NR5A2: variants seen among roughly 807,000 people sequenced by gnomAD.
The protein encoded by NR5A2 is nuclear receptor subfamily 5 group A member 2, also known as CYP7A promoter-binding factor.
In NR5A2, 26 loss-of-function variants were observed where a neutral mutation model predicts 62.7. That is an observed-to-expected ratio of 0.41 (90% CI 0.30 to 0.58). The LOEUF (loss-of-function observed/expected upper bound fraction) is 0.58. NR5A2 is among the 20% of genes least tolerant of loss of function. The pLI is 0.22. For synonymous variants in NR5A2, 246 were observed against 241.7 expected, an observed-to-expected ratio of 1.02 and a Z score of -0.16; for missense variants, 541 against 669.1, an observed-to-expected ratio of 0.81 and a Z score of 2.11.
At chr1:200,136,963 A>G (rs1667249314) in intron 7 of NR5A2, among the ~76,000 whole-genome samples, 1 of 151,544 alleles carries the variant, frequency 6.6e-6, no homozygotes, top group South Asian at 2.1e-4. Context: ...CTCTAAGCAG[A>G]TTTTCTTTTC....
chr1:200,156,832 C>A (rs182876338), intron 7 of NR5A2, among the ~76,000 whole-genome samples: 77 of 152,274 alleles, frequency 5.1e-4, no homozygotes, highest in Non-Finnish European at 7.9e-4. Flanking sequence ...ACATTTAAGG[C>A]AGGCTAGGCT....
intron 7 of NR5A2, among the ~76,000 whole-genome samples, chr1:200,125,473 G>T (rs1013119077): frequency 4.6e-5 from 7 of 152,182 alleles, no homozygotes; most frequent in African/African-American, 1.7e-4. Context: ...ATGGGTTATG[G>T]TTGCCTCAGG....
intron 5 of NR5A2, among the ~76,000 whole-genome samples, chr1:200,099,793 C>T (rs556167965): frequency 1.2e-4 from 18 of 152,186 alleles, no homozygotes; most frequent in Non-Finnish European, 5.9e-5. Flanking sequence ...GGAGTTTCAC[C>T]GTGTTAGCCA....
intron 5 of NR5A2, among the ~76,000 whole-genome samples, chr1:200,053,026 A>G (rs887723860): frequency 3.3e-5 from 5 of 152,240 alleles, no homozygotes; most frequent in Admixed American, 6.5e-5. Context: ...AGTTAAGGGA[A>G]CAGAAGGGCC....
chr1:200,093,815 C>T (rs974254546), intron 5 of NR5A2, among the ~76,000 whole-genome samples: 4 of 152,118 alleles, frequency 2.6e-5, no homozygotes, highest in East Asian at 1.9e-4. Flanking sequence ...CCCAAACTTT[C>T]GCAAAATTGA....
At chr1:200,073,298 T>TTATATA (rs771272912) in intron 5 of NR5A2, among the ~76,000 whole-genome samples, 1 of 116,328 alleles carries the variant, frequency 8.6e-6, no homozygotes, top group Non-Finnish European at 1.8e-5. Flanking sequence ...ATATTCCCCT[T>TTATATA]TATATATATA....
Position 200,084,734 on chromosome 1 carries a change from T to G in NR5A2, c.1111-26468T>G, listed in dbSNP as rs183285961. Among the ~76,000 whole-genome samples, 24 of 152,278 alleles carry G rather than the reference T, an allele frequency of 1.6e-4. No individual in the cohort carries two copies. The East Asian group carries it at 4.6e-3, about 29-fold the overall frequency. ...ATGCATTAATCCCTTTGTAGTAACC[T>G]CTCCCTAATTCATTGATTCGATAAT... On this transcript the variant is annotated intron_variant, in intron 5 of 7. Coordinates refer to ENST00000367362, the MANE Select transcript of NR5A2 (RefSeq NM_205860.3).
chr1:200,126,884 TAAATG>T (rs1398165262), intron 7 of NR5A2, among the ~76,000 whole-genome samples: 1 of 152,098 alleles, frequency 6.6e-6, no homozygotes, highest in East Asian at 1.9e-4. Context: ...AATAAAATAA[TAAATG>T]AAATTAATTA....
At chr1:200,065,080 C>T (rs569583583) in intron 5 of NR5A2, among the ~76,000 whole-genome samples, 6 of 152,206 alleles carry the variant, frequency 3.9e-5, no homozygotes, top group Admixed American at 3.9e-4. Flanking sequence ...CCACCATGCC[C>T]AGCCTTCAGA....
rs375718034 is a variant in NR5A2 at position 200,127,597 on chromosome 1, A to C, written c.1378+6642A>C. Among the ~76,000 whole-genome samples, 22 of 145,828 alleles carry C rather than the reference A, an allele frequency of 1.5e-4. No individual in the cohort carries two copies. In the East Asian group the frequency reaches 4.2e-3, roughly 28 times the overall value. Reference sequence around the variant, plus strand: ...GAGGCTGAGGCAGGAGAATCACTTCAACCCAGGGGGCGGAGGTTGCAGTGA... The same window carrying C: ...GAGGCTGAGGCAGGAGAATCACTTCCACCCAGGGGGCGGAGGTTGCAGTGA... On this transcript the variant is annotated intron_variant, in intron 7 of 7. Coordinates refer to ENST00000367362, the MANE Select transcript of NR5A2 (RefSeq NM_205860.3).
chr1:200,150,805 G>A (rs1251967575), intron 7 of NR5A2, among the ~76,000 whole-genome samples: 1 of 152,158 alleles, frequency 6.6e-6, no homozygotes, highest in South Asian at 2.1e-4. Context: ...AATCACATAA[G>A]AAGAACATCA....
chr1:200,142,699 TAA>T (rs1472543647), intron 7 of NR5A2, among the ~76,000 whole-genome samples: 2 of 152,186 alleles, frequency 1.3e-5, no homozygotes, highest in African/African-American at 4.8e-5. Context: ...TGTCTTGCTT[TAA>T]AGATTTCTAA....
intron 7 of NR5A2, among the ~76,000 whole-genome samples, chr1:200,134,080 A>G (rs1444694191): frequency 6.6e-6 from 1 of 152,232 alleles, no homozygotes. Context: ...CAGCTGTACA[A>G]TGTATTTGTG....
chr1:200,074,756 A>C (rs866502305), intron 5 of NR5A2, among the ~76,000 whole-genome samples: 6 of 137,688 alleles, frequency 4.4e-5, no homozygotes, highest in South Asian at 2.5e-4. Context: ...AAAAAAAAAA[A>C]CACGAGAGAA....
At chr1:200,064,903 C>A (rs1663398643) in intron 5 of NR5A2, among the ~76,000 whole-genome samples, 2 of 151,748 alleles carry the variant, frequency 1.3e-5, no homozygotes, top group African/African-American at 4.8e-5. Flanking sequence ...GGTCCTGGTC[C>A]TTGTTTCATA....
At chr1:200,114,438 G>GGT (rs1571502028) in intron 6 of NR5A2, among the ~76,000 whole-genome samples, 1 of 151,984 alleles carries the variant, frequency 6.6e-6, no homozygotes, top group South Asian at 2.1e-4. Context: ...TGTGCTCTCT[G>GGT]GTGTGTGTGT....
At chr1:200,043,091 CTAT>C in intron 2 of NR5A2, 1 of 768,176 alleles carries the variant, frequency 1.3e-6, no homozygotes, top group South Asian at 5.9e-5. Flanking sequence ...CGGGCGTCCT[CTAT>C]TTTCTTTTTC....
At chr1:200,139,824 G>A (rs1421786695) in intron 7 of NR5A2, among the ~76,000 whole-genome samples, 1 of 152,190 alleles carries the variant, frequency 6.6e-6, no homozygotes, top group Non-Finnish European at 1.5e-5. Context: ...GCAAGTCACT[G>A]TACAGAACTC....
At chr1:200,173,827 A>C (rs945542897) in intron 7 of NR5A2, 136 bp from the exon 8 acceptor site, 4 of 888,842 alleles carry the variant, frequency 4.5e-6, no homozygotes, top group Non-Finnish European at 6.2e-6. Context: ...AGTGGGGTTT[A>C]CTGAATATTC....
Sources: allele counts gnomAD v4.1 joint callset (sites outside exome capture counted in the v4.1 genomes callset), GRCh38; gene constraint gnomAD v4.1.1; transcripts MANE v1.5; gene names NCBI Gene and HGNC (gene_info 2026-07-23, HGNC 2026-07-21).